Variants in DACH1 observed in about 807,000 individuals in gnomAD.
DACH1 encodes dachshund family transcription factor 1.
A neutral mutation model predicts 54.2 loss-of-function variants in DACH1; 12 were observed. The observed-to-expected ratio is 0.22, with a 90% confidence interval of 0.14 to 0.36. The LOEUF (loss-of-function observed/expected upper bound fraction) is 0.36, where lower values mean the gene tolerates loss of function less well. Among genes scored for constraint, DACH1 ranks in the 10% least tolerant of loss-of-function variants. The pLI is 1.00. For synonymous variants in DACH1, 386 were observed against 366.2 expected, an observed-to-expected ratio of 1.05 and a Z score of -0.62; for missense variants, 805 against 929.8, an observed-to-expected ratio of 0.87 and a Z score of 1.75.
At chr13:71,554,422 T>C (rs966070834) in intron 6 of DACH1, among the ~76,000 whole-genome samples, 5 of 152,186 alleles carry the variant, frequency 3.3e-5, no homozygotes, top group African/African-American at 1.2e-4. Flanking sequence ...TGTCGGGCTA[T>C]GGTCAAGGAC....
intron 2 of DACH1, among the ~76,000 whole-genome samples, chr13:71,632,298 G>C (rs1328326511): frequency 6.6e-6 from 1 of 151,888 alleles, no homozygotes; most frequent in African/African-American, 2.4e-5. Context: ...TGCCAAGTCA[G>C]TTCACTTCAG....
intron 3 of DACH1, among the ~76,000 whole-genome samples, chr13:71,577,619 G>A (rs896252361): frequency 2.5e-4 from 38 of 152,006 alleles, no homozygotes; most frequent in Non-Finnish European, 2.6e-4. Flanking sequence ...TCTTGTTGGA[G>A]ACCACAGGAA....
In DACH1 at chr13:71,553,452, A is replaced by G. The variant is rs972389664; in HGVS notation, c.1570+3572T>C. On this transcript the variant is annotated intron_variant, in intron 6 of 10. Transcript: ENST00000613252. ...GTATATTAGACATATATCCATATAT[A>G]TATACATATATACATATATGGGATA... Among the ~76,000 whole-genome samples the G allele has an allele frequency of 6.9e-5, 8 of 115,224 alleles. 1 individual carries two copies. The highest frequency in any genetic ancestry group is 3.4e-4 in the Admixed American group (4 of 11,842). The allele number at this position is 115,224 out of a possible 152,430, so 75.6% of individuals were successfully genotyped here.
intron 8 of DACH1, among the ~76,000 whole-genome samples, chr13:71,476,768 A>C (rs1279394120): frequency 6.6e-6 from 1 of 151,986 alleles, no homozygotes; most frequent in Non-Finnish European, 1.5e-5. Flanking sequence ...TCTGGAGGAT[A>C]ATTGTTTTAA....
chr13:71,475,672 A>T, intron 9 of DACH1, 34 bp downstream of exon 9: 1 of 1,582,138 alleles, frequency 6.3e-7, no homozygotes, highest in Non-Finnish European at 8.6e-7. Context: ...ATTAAAAATG[A>T]CAGTTATTCA....
intron 6 of DACH1, among the ~76,000 whole-genome samples, chr13:71,506,434 A>G (rs1227473747): frequency 1.3e-5 from 2 of 151,168 alleles, no homozygotes; most frequent in African/African-American, 2.4e-5. Context: ...ATGATTTCCA[A>G]TTTCATCCAT....
intron 1 of DACH1, among the ~76,000 whole-genome samples, chr13:71,725,181 A>T: frequency 6.6e-6 from 1 of 152,270 alleles, no homozygotes; most frequent in South Asian, 2.1e-4. Flanking sequence ...CATCAAAGCA[A>T]TATGAATGTT....
chr13:71,668,395 A>C (rs7990556), intron 2 of DACH1, among the ~76,000 whole-genome samples: 134,070 of 151,972 alleles, frequency 0.88, 60,027 homozygotes, highest in African/African-American at 0.94. Flanking sequence ...GAAAAATAGT[A>C]TCTCCAAAAT....
intron 3 of DACH1, among the ~76,000 whole-genome samples, chr13:71,591,876 G>T (rs551081393): frequency 3.0e-4 from 46 of 152,090 alleles, no homozygotes; most frequent in Non-Finnish European, 6.3e-4. Context: ...TACTCTTAAC[G>T]TTTCTTACAC....
intron 1 of DACH1, among the ~76,000 whole-genome samples, chr13:71,805,988 G>C (rs572386042): frequency 9.2e-4 from 140 of 152,126 alleles, no homozygotes; most frequent in Non-Finnish European, 1.7e-3. Flanking sequence ...TGTATTTTTA[G>C]TACAGATGGG....
Position 71,493,062 on chromosome 13 carries a change from G to A in DACH1, c.1571-3914C>T, listed in dbSNP as rs533486647. 4.7e-5 allele frequency among the ~76,000 whole-genome samples: 7 copies of A among 149,938 alleles called. No individual in the cohort carries two copies. The South Asian group carries it at 8.5e-4, about 18-fold the overall frequency. On this transcript the variant is annotated intron_variant, in intron 6 of 10. Transcript: ENST00000613252. ...TTTTTTATGGGCATGTAGTAAGCAC[G>A]AAGTGGCCTCTAAGAGGGACTGTGA...
At chr13:71,859,237 G>C (rs1335918121) in intron 1 of DACH1, among the ~76,000 whole-genome samples, 1 of 151,634 alleles carries the variant, frequency 6.6e-6, no homozygotes, top group Non-Finnish European at 1.5e-5. Flanking sequence ...GCAGTCATTG[G>C]CAAATTTAAT....
At chr13:71,735,181 GGA>G (rs1883974507) in intron 1 of DACH1, among the ~76,000 whole-genome samples, 1 of 150,354 alleles carries the variant, frequency 6.7e-6, no homozygotes, top group Non-Finnish European at 1.5e-5. Context: ...CTCGTATATG[GGA>G]TATACGTATG....
intron 8 of DACH1, among the ~76,000 whole-genome samples, chr13:71,477,080 TTATATA>T (rs1555285118): frequency 9.5e-4 from 44 of 46,258 alleles, no homozygotes; most frequent in African/African-American, 2.5e-3. Flanking sequence ...GTTTTTATTA[TTATATA>T]TATATATATA....
At chr13:71,617,275 G>C (rs1326168931) in intron 3 of DACH1, among the ~76,000 whole-genome samples, 1 of 152,070 alleles carries the variant, frequency 6.6e-6, no homozygotes, top group Non-Finnish European at 1.5e-5. Flanking sequence ...TGACAAATTA[G>C]GGAATACTGT....
At position 71,779,224 on chromosome 13, in the gene DACH1, T is replaced by TA. The variant is rs570431282; in HGVS notation, c.848+86697dup. Among the ~76,000 whole-genome samples, 4 of 99,382 alleles carry TA rather than the reference T, an allele frequency of 4.0e-5. No individual in the cohort carries two copies. The East Asian group carries it at 1.1e-3, about 26-fold the overall frequency. 65.2% of individuals were successfully genotyped at this position (99,382 alleles called of 152,430 possible). On this transcript the variant is annotated intron_variant, in intron 1 of 10. Transcript: ENST00000613252. ...ATATATGTGTATATATATACGTATA[T>TA]ACGTATATATACACATATATACGTA...
intron 6 of DACH1, among the ~76,000 whole-genome samples, chr13:71,515,445 C>T (rs1272981602): frequency 6.6e-6 from 1 of 151,870 alleles, no homozygotes; most frequent in African/African-American, 2.4e-5. Flanking sequence ...GATGTCTTAA[C>T]TATGTTCTTT....
intron 3 of DACH1, among the ~76,000 whole-genome samples, chr13:71,621,131 C>T (rs760858587): frequency 2.6e-5 from 4 of 151,950 alleles, no homozygotes; most frequent in African/African-American, 9.7e-5. Context: ...CAAACACACA[C>T]ACACACTTCT....
intron 4 of DACH1, among the ~76,000 whole-genome samples, chr13:71,563,220 A>G (rs1884699449): frequency 6.6e-6 from 1 of 152,066 alleles, no homozygotes; most frequent in Non-Finnish European, 1.5e-5. Context: ...ATTTTATTCC[A>G]AAGTTCACTC....
Sources: allele counts gnomAD v4.1 joint callset (sites outside exome capture counted in the v4.1 genomes callset), GRCh38; gene constraint gnomAD v4.1.1; transcripts MANE v1.5; gene names NCBI Gene and HGNC (gene_info 2026-07-23, HGNC 2026-07-21).